Variants in CADM1 observed in about 807,000 individuals in gnomAD.
The protein encoded by CADM1 is TSLC-1.
A neutral mutation model predicts 53.1 loss-of-function variants in CADM1; 15 were observed. The ratio of observed to expected loss-of-function variants is 0.28; its 90% CI spans 0.19 to 0.44. The LOEUF (loss-of-function observed/expected upper bound fraction) is 0.44, where lower values mean the gene tolerates loss of function less well. Among genes scored for constraint, CADM1 ranks in the 20% least tolerant of loss-of-function variants. The pLI, the probability that CADM1 is intolerant of heterozygous loss-of-function variation, is 1.00. For synonymous variants in CADM1, 281 were observed against 243.0 expected (o/e 1.16, Z -1.45); for missense variants, 434 against 611.3 (o/e 0.71, Z 3.06).
intron 1 of CADM1, among the ~76,000 whole-genome samples, chr11:115,456,623 G>A (rs1948689129): frequency 6.6e-6 from 1 of 152,060 alleles, no homozygotes; most frequent in South Asian, 2.1e-4. Context: ...AAAGAGCACT[G>A]GATAGGAAAT....
intron 1 of CADM1, among the ~76,000 whole-genome samples, chr11:115,275,365 G>A (rs112141852): frequency 2.1e-4 from 32 of 152,140 alleles, no homozygotes; most frequent in African/African-American, 6.7e-4. Context: ...ACAGGCTCGC[G>A]ACTCACAACA....
intron 10 of CADM1, among the ~76,000 whole-genome samples, chr11:115,184,419 T>C (rs951832759): frequency 1.3e-5 from 2 of 152,216 alleles, no homozygotes; most frequent in African/African-American, 4.8e-5. Flanking sequence ...AAGATTTGCT[T>C]TTCTCAGCAC....
At chr11:115,413,962 T>C (rs1258770013) in intron 1 of CADM1, among the ~76,000 whole-genome samples, 2 of 151,922 alleles carry the variant, frequency 1.3e-5, no homozygotes, top group Non-Finnish European at 2.9e-5. Flanking sequence ...TTCTTAACCA[T>C]TATGCTAAAA....
chr11:115,440,874 G>C (rs1226166205), intron 1 of CADM1, among the ~76,000 whole-genome samples: 1 of 151,966 alleles, frequency 6.6e-6, no homozygotes, highest in Admixed American at 6.6e-5. Flanking sequence ...AACCTCCTTG[G>C]CTCAAGCAAT....
chr11:115,375,960 TAATA>T (rs1946427537), intron 1 of CADM1, among the ~76,000 whole-genome samples: 1 of 152,180 alleles, frequency 6.6e-6, no homozygotes, highest in South Asian at 2.1e-4. Flanking sequence ...TCTTTCTATT[TAATA>T]ATTAAAGGTG....
At chr11:115,293,239 T>C (rs1037193381) in intron 1 of CADM1, among the ~76,000 whole-genome samples, 3 of 152,188 alleles carry the variant, frequency 2.0e-5, no homozygotes, top group Non-Finnish European at 4.4e-5. Context: ...AAGACCATCC[T>C]GGCTAACATG....
intron 10 of CADM1, chr11:115,190,627 G>A (rs1939801606): frequency 2.2e-6 from 1 of 454,728 alleles, no homozygotes; most frequent in Non-Finnish European, 3.9e-6. Flanking sequence ...TGAACAGAGG[G>A]GCTTTAGTAC....
At chr11:115,469,994 C>T (rs978825663) in intron 1 of CADM1, among the ~76,000 whole-genome samples, 2 of 152,196 alleles carry the variant, frequency 1.3e-5, no homozygotes, top group African/African-American at 4.8e-5. Context: ...ATTTTACCTT[C>T]TGCTTCCATG....
intron 1 of CADM1, among the ~76,000 whole-genome samples, chr11:115,346,231 T>G (rs928553211): frequency 3.3e-5 from 5 of 152,204 alleles, no homozygotes; most frequent in Non-Finnish European, 7.3e-5. Context: ...TGCCACCCAC[T>G]GCATGGCTTG....
chr11:115,289,039 C>T (rs1267299776), intron 1 of CADM1, among the ~76,000 whole-genome samples: 2 of 152,098 alleles, frequency 1.3e-5, no homozygotes, highest in African/African-American at 4.8e-5. Context: ...ACTGAAGAAG[C>T]CAGAAAAGCT....
intron 1 of CADM1, among the ~76,000 whole-genome samples, chr11:115,425,207 TTATTAA>T (rs1488613708): frequency 6.6e-6 from 1 of 152,236 alleles, no homozygotes; most frequent in African/African-American, 2.4e-5. Flanking sequence ...GTCCGCTCTT[TTATTAA>T]TAAGTCTTTG....
At chr11:115,409,861 C>T (rs1947415978) in intron 1 of CADM1, among the ~76,000 whole-genome samples, 13 of 152,078 alleles carry the variant, frequency 8.5e-5, no homozygotes, top group Admixed American at 7.9e-4. Flanking sequence ...GTTTACAAAG[C>T]AATTCAGGAA....
chr11:115,229,223 T>C lies in CADM1; in HGVS notation c.611A>G (p.Gln204Arg), dbSNP rs1454297755. Residue 204 changes from glutamine (Q) to arginine (R), a missense_variant, in exon 5 of 12, where the codon CAG (glutamine) becomes CGG (arginine). Physicochemically the swap from Gln to Arg is conservative, Grantham distance 43 (BLOSUM62 1). Transcript: ENST00000331581. ...CTCCTTGTGCACCTTCAGCATCAGC[T>C]GACTGGTCACAGTGTACATGTCTGA... ...EWSDMYTVTS[Q>R]LMLKVHKEDD... 6.2e-7 allele frequency: 1 copy of C among 1,614,172 alleles called. No individual in the cohort carries two copies. The highest frequency in any genetic ancestry group is 1.3e-5 in the African/African-American group (1 of 75,066).
Position 115,328,688 on chromosome 11 carries a change from ATGTG to A in CADM1, c.125-88272_125-88269del, listed in dbSNP as rs1400925400. ...ACACTATATATATATGTGTATATAT[ATGTG>A]TATATATATGTATATATATATGTGT... On this transcript the variant is annotated intron_variant, in intron 1 of 11. Coordinates refer to ENST00000331581, the MANE Select transcript of CADM1 (RefSeq NM_001301043.2). Among the ~76,000 whole-genome samples the A allele has an allele frequency of 1.2e-4, 4 of 32,416 alleles. 1 individual carries two copies. Among genetic ancestry groups the A allele is most frequent in the African/African-American group, 4.0e-4 (2 of 5,016 alleles). 21.3% of individuals were successfully genotyped at this position (32,416 alleles called of 152,430 possible).
chr11:115,356,806 T>G (rs774475933), intron 1 of CADM1, among the ~76,000 whole-genome samples: 1 of 152,194 alleles, frequency 6.6e-6, no homozygotes, highest in Non-Finnish European at 1.5e-5. Flanking sequence ...GACAAACTGA[T>G]GCTGTAATGG....
chr11:115,363,841 G>C (rs751982386), intron 1 of CADM1: 10 of 152,102 alleles, frequency 6.6e-5, no homozygotes, highest in African/African-American at 1.9e-4. Flanking sequence ...CAGTGATCCC[G>C]TAAGATTATA....
chr11:115,442,211 C>T (rs1948330276), intron 1 of CADM1, among the ~76,000 whole-genome samples: 1 of 151,290 alleles, frequency 6.6e-6, no homozygotes, highest in Non-Finnish European at 1.5e-5. Flanking sequence ...AGGCAAGGGA[C>T]CAATGAGTGA....
chr11:115,365,238 C>T (rs780228806), intron 1 of CADM1, among the ~76,000 whole-genome samples: 19 of 142,200 alleles, frequency 1.3e-4, no homozygotes, highest in Non-Finnish European at 2.2e-4. Flanking sequence ...CCATGAAATA[C>T]GAGGTAAACA....
chr11:115,377,665 C>G (rs1288029220), intron 1 of CADM1: 1 of 152,100 alleles, frequency 6.6e-6, no homozygotes, highest in Non-Finnish European at 1.5e-5. Context: ...TCTTTAAGTT[C>G]CATTATTCAA....
Sources: gnomAD v4.1 joint callset for allele counts (sites outside exome capture counted in the v4.1 genomes callset) on GRCh38, gnomAD v4.1.1 for gene constraint, MANE v1.5 for transcripts, NCBI Gene and HGNC (gene_info 2026-07-23, HGNC 2026-07-21) for gene names.